The following VIL1 variants were observed in gnomAD, a reference collection of about 807,000 sequenced individuals.
VIL1 encodes villin-1.
In VIL1, 86 loss-of-function variants were observed where a neutral mutation model predicts 104.0. That is an observed-to-expected ratio of 0.83 (90% CI 0.69 to 0.99). VIL1 has a LOEUF of 0.99. Among genes scored for constraint, VIL1 ranks in the 50% least tolerant of loss-of-function variants. The pLI, the probability that VIL1 is intolerant of heterozygous loss-of-function variation, is 0.00. For synonymous variants in VIL1, 394 were observed against 412.6 expected (o/e 0.95, Z 0.55); for missense variants, 944 against 1,054.1 (o/e 0.90, Z 1.45).
Position 218,449,367 on chromosome 2 carries a change from C to G in VIL1, c.*31C>G. ...GTAGCTGTGGTTGTAAAGCAGTACC[C>G]TACCCTGATTGTAGGGTCTCATTTT... On this transcript the variant is annotated 3_prime_UTR_variant, in exon 20 of 20. Coordinates refer to ENST00000248444, the MANE Select transcript of VIL1 (RefSeq NM_007127.3). 1 of 1,538,482 alleles carries G rather than the reference C, an allele frequency of 6.5e-7. No homozygotes were observed. The highest frequency in any genetic ancestry group is 2.3e-5 in the East Asian group (1 of 44,398).
intron 19 of VIL1, among the ~76,000 whole-genome samples, chr2:218,448,253 G>A (rs1206907830): frequency 1.3e-5 from 2 of 150,746 alleles, no homozygotes; most frequent in South Asian, 2.1e-4. Context: ...GAGCAAGACC[G>A]TTTCAAAAAA....
chr2:218,450,481 T>A lies in VIL1; in HGVS notation c.*1145T>A, dbSNP rs1461246690. 6.6e-6 allele frequency: 1 copy of A among 152,602 alleles called. No homozygotes were observed. The highest frequency in any genetic ancestry group is 1.5e-5 in the Non-Finnish European group (1 of 68,034). 9.5% of individuals were successfully genotyped at this position (152,602 alleles called of 1,614,324 possible). On this transcript the variant is annotated 3_prime_UTR_variant, in exon 20 of 20. Coordinates refer to ENST00000248444, the MANE Select transcript of VIL1 (RefSeq NM_007127.3). ...ATGTGGCCACAGCTGCCAGAAAACC[T>A]GGTAGTGGCTCAATTAGGCAAAGTG...
At chr2:218,431,784 C>A in intron 10 of VIL1, 73 bp from the exon 11 acceptor site, 1 of 1,236,486 alleles carries the variant, frequency 8.1e-7, no homozygotes, top group African/African-American at 1.5e-5. Context: ...TTGTAGCCAC[C>A]ATTCAGGGCT....
At position 218,432,971 on chromosome 2, in the gene VIL1, G is replaced by A. The variant is rs776515904; in HGVS notation, c.1500+20G>A. On this transcript the variant is annotated intron_variant, in intron 13 of 19. Transcript: ENST00000248444. ...TACCAGGTGTGGCTGCTGAACTGAG[G>A]TGTCTGGCAGTAACCACTGTGGCAA... The A allele has an allele frequency of 5.5e-5, 89 of 1,613,662 alleles. 1 individual carries two copies. In the Middle Eastern group the frequency reaches 1.3e-3, roughly 24 times the overall value.
Position 218,435,420 on chromosome 2 carries a change from T to C in VIL1, c.1812T>C (p.Tyr604=), listed in dbSNP as rs1689172392. 2.5e-6 allele frequency: 4 copies of C among 1,613,790 alleles called. No individual in the cohort carries two copies. The Admixed American group carries it at 6.7e-5, about 27-fold the overall frequency. The change falls in exon 15 of 20, where the codon TAT becomes TAC. Residue 604 remains tyrosine (Y), a synonymous_variant. Coordinates refer to ENST00000248444, the MANE Select transcript of VIL1 (RefSeq NM_007127.3). ...FWMALGGKAP[Y]ANTKRLQEEN... ...TGGCCCTGGGTGGGAAGGCCCCCTA[T>C]GCCAACACCAAGAGGTAACTCTCAG...
chr2:218,427,394 G>C (rs894119330), intron 4 of VIL1, among the ~76,000 whole-genome samples: 4 of 150,694 alleles, frequency 2.7e-5, no homozygotes, highest in Non-Finnish European at 5.9e-5. Context: ...TGCGATCTCG[G>C]CTCACTGCAA....
Position 218,449,292 on chromosome 2 carries a change from C to A in VIL1, c.2440C>A (p.Arg814=). The change falls in exon 20 of 20, where the codon CGA becomes AGA. Residue 814 remains arginine (R), a synonymous_variant. Transcript: ENST00000248444. ...MTPAAFSALP[R]WKQQNLKKEK... ...TCCAGCTGCCTTCTCTGCTCTGCCT[C>A]GATGGAAGCAACAAAACCTCAAGAA... 1 of 1,613,942 alleles carries A rather than the reference C, an allele frequency of 6.2e-7. No homozygotes were observed. Among genetic ancestry groups the A allele is most frequent in the Non-Finnish European group, 8.5e-7 (1 of 1,179,920 alleles).
In VIL1 at chr2:218,425,785, C is replaced by G. The variant is rs267599210; in HGVS notation, c.321C>G (p.Phe107Leu). 6.2e-7 allele frequency: 1 copy of G among 1,612,066 alleles called. No homozygotes were observed. The highest frequency in any genetic ancestry group is 8.5e-7 in the Non-Finnish European group (1 of 1,178,898). Residue 107 changes from phenylalanine to leucine, a missense_variant, in exon 4 of 20, where the codon TTC becomes TTG. Coordinates refer to ENST00000248444, the MANE Select transcript of VIL1 (RefSeq NM_007127.3). Reference protein sequence around the residue: ...REVQGNESEAFRGYFKQGLVI... With the variant: ...REVQGNESEALRGYFKQGLVI... Reference sequence around the variant, plus strand: ...TCCAGGGCAACGAGAGCGAGGCCTTCCGAGGCTACTTCAAGCAAGGCCTTG... The same window carrying G: ...TCCAGGGCAACGAGAGCGAGGCCTTGCGAGGCTACTTCAAGCAAGGCCTTG...
intron 1 of VIL1, among the ~76,000 whole-genome samples, chr2:218,423,546 T>C (rs1023024628): frequency 1.2e-4 from 18 of 151,918 alleles, no homozygotes; most frequent in Non-Finnish European, 2.2e-4. Flanking sequence ...TCTCACTCCT[T>C]CCCTCCCCCT....
rs1399315913 is a variant in VIL1, at chr2:218,453,246, GTGTTTTTTTTGTTTT to G, written c.*3917_*3931del. On this transcript the variant is annotated 3_prime_UTR_variant, in exon 20 of 20. Transcript: ENST00000248444. ...GTTGCATCTTCTGTGATGATGGTTT[GTGTTTTTTTTGTTTT>G]TGTTTTCGTTTTTTTTAATGAGATG... 1 of 151,154 alleles carries G rather than the reference GTGTTTTTTTTGTTTT, an allele frequency of 6.6e-6. No homozygotes were observed. Among genetic ancestry groups the G allele is most frequent in the Non-Finnish European group, 1.5e-5 (1 of 67,950 alleles). The allele number at this position is 151,154 out of a possible 1,614,324, so 9.4% of individuals were successfully genotyped here. A position where few individuals can be genotyped will look rare whatever the true frequency, so the allele number is the denominator to read the frequency against.
chr2:218,434,382 T>C (rs1689150810), intron 13 of VIL1, 144 bp from the exon 14 acceptor site: 1 of 768,872 alleles, frequency 1.3e-6, no homozygotes, highest in East Asian at 2.7e-5. Context: ...ATGCAAACAA[T>C]GTTTTAGAAA....
At position 218,431,979 on chromosome 2, in the gene VIL1, C is replaced by T. The variant is rs761480305; in HGVS notation, c.1203+22C>T. On this transcript the variant is annotated intron_variant, in intron 11 of 19. Transcript: ENST00000248444. ...GCAGGTATGTGAGGGCAGAGAGGCCCGTGCTGGGTGGAGCAGGAATGGTGG... is the reference window on the plus strand; with the variant it reads ...GCAGGTATGTGAGGGCAGAGAGGCCTGTGCTGGGTGGAGCAGGAATGGTGG... The T allele has an allele frequency of 2.4e-5, 38 of 1,614,008 alleles. No individual in the cohort carries two copies. The Admixed American group carries it at 2.7e-4, about 11-fold the overall frequency.
intron 17 of VIL1, among the ~76,000 whole-genome samples, 190 bp downstream of exon 17, chr2:218,437,502 A>G (rs1207702941): frequency 3.3e-5 from 5 of 152,272 alleles, no homozygotes; most frequent in Non-Finnish European, 5.9e-5. Context: ...AAGTCTATCA[A>G]AAACCAAGGC....
At chr2:218,427,402 C>A in intron 4 of VIL1, among the ~76,000 whole-genome samples, 1 of 151,048 alleles carries the variant, frequency 6.6e-6, no homozygotes, top group East Asian at 2.0e-4. Context: ...CGGCTCACTG[C>A]AAACCTCCGC....
At chr2:218,430,118 G>T (rs1000754252) in intron 9 of VIL1, among the ~76,000 whole-genome samples, 171 bp downstream of exon 9, 10 of 152,136 alleles carry the variant, frequency 6.6e-5, no homozygotes, top group Non-Finnish European at 1.3e-4. Context: ...AATGGGAGGG[G>T]CCTGAGGGGC....
chr2:218,443,923 G>A (rs1389368884), intron 19 of VIL1, among the ~76,000 whole-genome samples: 1 of 152,126 alleles, frequency 6.6e-6, no homozygotes, highest in Non-Finnish European at 1.5e-5. Context: ...CCGAAGTGCT[G>A]GGATTACAGG....
At position 218,450,769 on chromosome 2, in the gene VIL1, T is replaced by A. The variant is rs570677607; in HGVS notation, c.*1433T>A. 4.4e-4 allele frequency: 67 copies of A among 152,336 alleles called. No individual in the cohort carries two copies. Among genetic ancestry groups the A allele is most frequent in the Middle Eastern group, 3.4e-3 (1 of 294 alleles). 9.4% of individuals were successfully genotyped at this position (152,336 alleles called of 1,614,324 possible). A position where few individuals can be genotyped will look rare whatever the true frequency, so the allele number is the denominator to read the frequency against. On this transcript the variant is annotated 3_prime_UTR_variant, in exon 20 of 20. Coordinates refer to ENST00000248444, the MANE Select transcript of VIL1 (RefSeq NM_007127.3). ...CAGACCCTCACCCACTCTATTCTTATGCCAATGGACATACCTATACTTTGA... is the reference window on the plus strand; with the variant it reads ...CAGACCCTCACCCACTCTATTCTTAAGCCAATGGACATACCTATACTTTGA...
rs759264753 is a variant in VIL1 at position 218,436,508 on chromosome 2, C to A, written c.1853C>A (p.Thr618Asn). The stretch of plus-strand genomic sequence containing the variant: ...CTACAGGAAGAAAACCTGGTCATCA[C>A]CCCCCGGCTCTTTGAGTGTTCCAAC... ...KRLQEENLVI[T>N]PRLFECSNKT... The change falls in exon 16 of 20, where the codon ACC (threonine) becomes AAC (asparagine). Residue 618 changes from threonine (T) to asparagine (N), a missense_variant. Thr to Asn is a moderately conservative substitution (Grantham distance 65, BLOSUM62 0). Coordinates refer to ENST00000248444, the MANE Select transcript of VIL1 (RefSeq NM_007127.3). 1.2e-5 allele frequency: 19 copies of A among 1,613,406 alleles called. No individual in the cohort carries two copies. The highest frequency in any genetic ancestry group is 1.4e-5 in the Non-Finnish European group (17 of 1,179,672).
At chr2:218,431,274 T>C (rs1689093846) in intron 10 of VIL1, 1 of 322,430 alleles carries the variant, frequency 3.1e-6, no homozygotes, top group South Asian at 1.0e-4. Context: ...TCGCTTGAAT[T>C]CAGGAGGCAG....
Sources: gnomAD v4.1 joint callset for allele counts (sites outside exome capture counted in the v4.1 genomes callset) on GRCh38, gnomAD v4.1.1 for gene constraint, MANE v1.5 for transcripts, NCBI Gene and HGNC (gene_info 2026-07-23, HGNC 2026-07-21) for gene names.